Variants in DYM observed in about 807,000 individuals in gnomAD.
The protein encoded by DYM is dyggve-Melchior-Clausen syndrome protein.
In DYM, 78 loss-of-function variants were observed where a neutral mutation model predicts 93.1. That is an observed-to-expected ratio of 0.84 (90% CI 0.70 to 1.01). The LOEUF (loss-of-function observed/expected upper bound fraction) is 1.01, where lower values mean the gene tolerates loss of function less well. Among genes scored for constraint, DYM ranks in the 50% least tolerant of loss-of-function variants. The pLI is 0.00. For missense variants in DYM, 789 were observed against 845.0 expected (o/e 0.93, Z 0.82); for synonymous variants, 321 against 319.7 (o/e 1.00, Z -0.04).
rs79958143 is a variant in DYM at position 49,363,144 on chromosome 18, G to A, written c.494+17C>T. 0.087 allele frequency: 139,968 copies of A among 1,603,290 alleles called. 8,511 individuals are homozygous for A. Among genetic ancestry groups the A allele is most frequent in the East Asian group, 0.34 (15,191 of 44,696 alleles). On this transcript the variant is annotated intron_variant, in intron 6 of 17. Transcript: ENST00000675505. ...TACAAAGAAGATAAAACAAATCCTG[G>A]CCTAGCCAGAACTTACAAGAGTGGA...
chr18:49,079,813 C>T (rs1460587308), intron 17 of DYM, among the ~76,000 whole-genome samples: 3 of 152,030 alleles, frequency 2.0e-5, no homozygotes, highest in Admixed American at 6.6e-5. Context: ...TCTTTCTACA[C>T]AAACACGGCA....
At chr18:49,070,279 A>G (rs2076786455) in intron 17 of DYM, among the ~76,000 whole-genome samples, 1 of 152,206 alleles carries the variant, frequency 6.6e-6, no homozygotes, top group Non-Finnish European at 1.5e-5. Flanking sequence ...GTTTACGTGC[A>G]TTGTTTCTTT....
intron 17 of DYM, among the ~76,000 whole-genome samples, chr18:49,087,963 G>A (rs1172311860): frequency 6.6e-6 from 1 of 151,922 alleles, no homozygotes; most frequent in Non-Finnish European, 1.5e-5. Context: ...TTTTGATGGG[G>A]TTGTTTTTTT....
chr18:49,054,814 C>T (rs1302002368), intron 17 of DYM, among the ~76,000 whole-genome samples: 1 of 152,140 alleles, frequency 6.6e-6, no homozygotes, highest in Non-Finnish European at 1.5e-5. Context: ...TGTGGAGTGT[C>T]CACAAGTGAC....
chr18:49,264,599 G>C (rs1397282991), intron 11 of DYM, among the ~76,000 whole-genome samples: 1 of 152,144 alleles, frequency 6.6e-6, no homozygotes, highest in East Asian at 1.9e-4. Context: ...GAAGCATCGG[G>C]TTGAACGATG....
At chr18:49,120,634 T>TG (rs1272698943) in intron 15 of DYM, among the ~76,000 whole-genome samples, 1 of 152,174 alleles carries the variant, frequency 6.6e-6, no homozygotes, top group African/African-American at 2.4e-5. Context: ...GTTGAATCTG[T>TG]GCATGTGTCA....
chr18:49,433,846 C>T (rs922204038), intron 1 of DYM, among the ~76,000 whole-genome samples: 3 of 151,958 alleles, frequency 2.0e-5, no homozygotes, highest in African/African-American at 4.8e-5. Context: ...CCAGCCTGGG[C>T]GACAGAGTGA....
chr18:49,417,337 T>TG (rs2073111549), intron 2 of DYM, among the ~76,000 whole-genome samples: 2 of 151,730 alleles, frequency 1.3e-5, no homozygotes, highest in Admixed American at 1.3e-4. Flanking sequence ...TTTGTAGAGA[T>TG]GGGGGTCTCG....
At chr18:49,378,504 T>C (rs762084533) in intron 5 of DYM, 63 bp downstream of exon 5, 80 of 1,474,970 alleles carry the variant, frequency 5.4e-5, no homozygotes, top group Non-Finnish European at 7.1e-5. Flanking sequence ...CTTTTATTCC[T>C]GAAATTTTAT....
chr18:49,140,358 T>G (rs932544050), intron 15 of DYM, among the ~76,000 whole-genome samples: 3 of 152,144 alleles, frequency 2.0e-5, no homozygotes, highest in African/African-American at 7.2e-5. Context: ...CAAGGAGTAT[T>G]TCCTTGAAAT....
intron 6 of DYM, among the ~76,000 whole-genome samples, chr18:49,356,757 T>C (rs534679662): frequency 6.6e-6 from 1 of 152,262 alleles, no homozygotes; most frequent in South Asian, 2.1e-4. Flanking sequence ...GTACTCAAAT[T>C]TCCACAGTAG....
chr18:49,422,449 A>G (rs1401246888), intron 2 of DYM, among the ~76,000 whole-genome samples: 1 of 152,256 alleles, frequency 6.6e-6, no homozygotes, highest in Non-Finnish European at 1.5e-5. Flanking sequence ...AACATGCCAA[A>G]TTGTAAAGAC....
chr18:49,046,176 T>C (rs1449944640), intron 17 of DYM, among the ~76,000 whole-genome samples: 3 of 130,714 alleles, frequency 2.3e-5, no homozygotes, highest in African/African-American at 6.0e-5. Flanking sequence ...CACACACAGA[T>C]AAAACACACA....
intron 1 of DYM, among the ~76,000 whole-genome samples, chr18:49,442,556 T>TA (rs767137277): frequency 2.1e-4 from 31 of 149,730 alleles, no homozygotes; most frequent in Middle Eastern, 3.4e-3. Flanking sequence ...GTCTCAAAAA[T>TA]AAAAAAAAGA....
chr18:49,050,034 T>C (rs1036710851), intron 17 of DYM, among the ~76,000 whole-genome samples: 11 of 150,704 alleles, frequency 7.3e-5, no homozygotes, highest in African/African-American at 2.7e-4. Context: ...AGATTGGCCC[T>C]GGAGTGGGTT....
In DYM at chr18:49,309,634, C is replaced by T. The variant is rs932469641; in HGVS notation, c.763+22230G>A. On this transcript the variant is annotated intron_variant, in intron 8 of 17. Coordinates refer to ENST00000675505, the MANE Select transcript of DYM (RefSeq NM_001353214.3). ...TGGGCGACAAAGCAAGATCCTGTCT[C>T]TAAAAAAAACAAATGTTTTTAAATC... Among the ~76,000 whole-genome samples the T allele has an allele frequency of 2.0e-5, 3 of 151,922 alleles. No homozygotes were observed. In the East Asian group the frequency reaches 5.8e-4, roughly 29 times the overall value.
At chr18:49,307,320 T>C (rs2061331742) in intron 8 of DYM, among the ~76,000 whole-genome samples, 1 of 152,066 alleles carries the variant, frequency 6.6e-6, no homozygotes, top group Non-Finnish European at 1.5e-5. Flanking sequence ...TCACTGTGGA[T>C]TGTCTCCATT....
At position 49,201,785 on chromosome 18, in the gene DYM, T is replaced by C. The variant is rs546167865; in HGVS notation, c.1625+7766A>G. 4.6e-5 allele frequency among the ~76,000 whole-genome samples: 7 copies of C among 152,362 alleles called. No individual in the cohort carries two copies. In the East Asian group the frequency reaches 1.2e-3, roughly 25 times the overall value. Reference sequence around the variant, plus strand: ...CTATTCTTAGTTACTGCGCAGATAATCCTGTTTCAGACTACTTCAGATTCT... The same window carrying C: ...CTATTCTTAGTTACTGCGCAGATAACCCTGTTTCAGACTACTTCAGATTCT... On this transcript the variant is annotated intron_variant, in intron 14 of 17. Transcript: ENST00000675505.
chr18:49,438,162 G>T (rs1324748973), intron 1 of DYM, among the ~76,000 whole-genome samples: 1 of 152,120 alleles, frequency 6.6e-6, no homozygotes, highest in Non-Finnish European at 1.5e-5. Flanking sequence ...GCAAGACTTT[G>T]TATCAAAAAT....
Sources: gnomAD v4.1 joint callset for allele counts (sites outside exome capture counted in the v4.1 genomes callset) on GRCh38, gnomAD v4.1.1 for gene constraint, MANE v1.5 for transcripts, NCBI Gene and HGNC (gene_info 2026-07-23, HGNC 2026-07-21) for gene names.